RNF220: variants seen among roughly 807,000 people sequenced by gnomAD.
RNF220 encodes the protein ring finger protein 220.
Under a neutral mutation model 67.1 loss-of-function variants are expected in RNF220, and 7 were observed. The ratio of observed to expected loss-of-function variants is 0.10; its 90% CI spans 0.06 to 0.20. The LOEUF (loss-of-function observed/expected upper bound fraction) is 0.20. Among genes scored for constraint, RNF220 ranks in the 10% least tolerant of loss-of-function variants. The pLI, the probability that RNF220 is intolerant of heterozygous loss-of-function variation, is 1.00. For synonymous variants in RNF220, 270 were observed against 283.2 expected (o/e 0.95, Z 0.47); for missense variants, 565 against 740.3 (o/e 0.76, Z 2.75).
intron 2 of RNF220, among the ~76,000 whole-genome samples, chr1:44,580,544 T>G (rs2148343281): frequency 6.6e-6 from 1 of 152,342 alleles, no homozygotes; most frequent in South Asian, 2.1e-4. Context: ...GGGAAATAGA[T>G]TTTAGCTCAA....
At chr1:44,633,452 A>G (rs1644230650) in intron 6 of RNF220, among the ~76,000 whole-genome samples, 1 of 152,176 alleles carries the variant, frequency 6.6e-6, no homozygotes, top group Non-Finnish European at 1.5e-5. Flanking sequence ...TGGATAGAGA[A>G]CAGAACTTTC....
At position 44,593,804 on chromosome 1, in the gene RNF220, C is replaced by T. The variant is rs758851388; in HGVS notation, c.626-20361C>T. The stretch of plus-strand genomic sequence containing the variant: ...GACTTAAAAGGGATAAACTCTTGGC[C>T]GGGCATGGTGGCTCACGCCTATAAT... On this transcript the variant is annotated intron_variant, in intron 2 of 14. Coordinates refer to ENST00000361799, the MANE Select transcript of RNF220 (RefSeq NM_018150.4). Among the ~76,000 whole-genome samples the T allele has an allele frequency of 9.2e-5, 14 of 151,832 alleles. 1 individual carries two copies. The highest frequency in any genetic ancestry group is 8.5e-4 in the Admixed American group (13 of 15,240).
At chr1:44,567,349 C>T (rs1160648059) in intron 2 of RNF220, among the ~76,000 whole-genome samples, 3 of 152,086 alleles carry the variant, frequency 2.0e-5, no homozygotes, top group Non-Finnish European at 4.4e-5. Context: ...TGATGAGATT[C>T]CCAGCTGTGT....
chr1:44,552,043 C>A lies in RNF220; in HGVS notation c.626-62122C>A, dbSNP rs568924101. Among the ~76,000 whole-genome samples the A allele has an allele frequency of 3.9e-5, 6 of 152,300 alleles. No individual in the cohort carries two copies. The South Asian group carries it at 1.2e-3, about 32-fold the overall frequency. The stretch of plus-strand genomic sequence containing the variant: ...CCCTCTAGTGCCTGGTATATGCCAC[C>A]AAACCGTGGACAGCAGGCTACTGAA... On this transcript the variant is annotated intron_variant, in intron 2 of 14. Transcript: ENST00000361799.
At chr1:44,644,849 TAAGAA>T (rs1340572455) in intron 9 of RNF220, 55 bp downstream of exon 9, 1 of 1,544,642 alleles carries the variant, frequency 6.5e-7, no homozygotes, top group Non-Finnish European at 8.9e-7. Context: ...GCACAGGGAA[TAAGAA>T]AAGTAGCTCT....
chr1:44,525,612 C>T (rs557599458), intron 2 of RNF220, among the ~76,000 whole-genome samples: 1 of 152,280 alleles, frequency 6.6e-6, no homozygotes, highest in East Asian at 1.9e-4. Context: ...TGAGGCCATT[C>T]GATCCTCTCT....
chr1:44,424,132 T>C (rs1490834726), intron 2 of RNF220: 1 of 495,624 alleles, frequency 2.0e-6, no homozygotes, highest in East Asian at 1.5e-4. Context: ...GACAGCCTTA[T>C]GGTTAAGGTG....
rs898855978 is a variant in RNF220, at chr1:44,483,283, A to G, written c.625+70561A>G. Among the ~76,000 whole-genome samples the G allele has an allele frequency of 5.3e-5, 8 of 152,170 alleles. No homozygotes were observed. In the South Asian group the frequency reaches 1.7e-3, roughly 31 times the overall value. The stretch of plus-strand genomic sequence containing the variant: ...AAAAGGATGAGTTCCATCCCTTTGC[A>G]GCCGGTTAGACCTGTTCTACCTTGC... On this transcript the variant is annotated intron_variant, in intron 2 of 14. Transcript: ENST00000361799.
At chr1:44,587,456 T>C (rs1414803485) in intron 2 of RNF220, among the ~76,000 whole-genome samples, 1 of 152,168 alleles carries the variant, frequency 6.6e-6, no homozygotes, top group Non-Finnish European at 1.5e-5. Flanking sequence ...CACTGTTGTA[T>C]CTTCTTTAAG....
At position 44,624,663 on chromosome 1, in the gene RNF220, AG is replaced by A. The variant is rs1312981337; in HGVS notation, c.805-1632del. The stretch of plus-strand genomic sequence containing the variant: ...GAGAAGGTTCAAGCAAGAGACTGAA[AG>A]GACAGGGAGAAGGAGGGAGGGAGGA... On this transcript the variant is annotated intron_variant, in intron 4 of 14. Transcript: ENST00000361799. The surrounding 1 kb of genome is among the most constrained non-coding windows in gnomAD (Gnocchi z 4.2). Among the ~76,000 whole-genome samples the A allele has an allele frequency of 6.6e-6, 1 of 152,096 alleles. No homozygotes were observed. Among genetic ancestry groups the A allele is most frequent in the African/African-American group, 2.4e-5 (1 of 41,414 alleles).
In RNF220 at chr1:44,650,437, CT is replaced by C. The variant is rs1644761267; in HGVS notation, c.1630-266del. ...AAGGCCGCGTGTAATCTCGTTAGGG[CT>C]GCGGCTGCCACAGCTGGACCCAGCC... On this transcript the variant is annotated intron_variant, in intron 14 of 14. Coordinates refer to ENST00000361799, the MANE Select transcript of RNF220 (RefSeq NM_018150.4). The surrounding 1 kb of genome is among the most constrained non-coding windows in gnomAD (Gnocchi z 4.3). 3.6e-6 allele frequency: 2 copies of C among 549,772 alleles called. No homozygotes were observed. Among genetic ancestry groups the C allele is most frequent in the Admixed American group, 6.2e-5 (2 of 32,354 alleles). The allele number at this position is 549,772 out of a possible 1,614,324, so 34.1% of individuals were successfully genotyped here.
chr1:44,567,057 A>G (rs1383520249), intron 2 of RNF220, among the ~76,000 whole-genome samples: 1 of 152,170 alleles, frequency 6.6e-6, no homozygotes, highest in African/African-American at 2.4e-5. Flanking sequence ...TGGATGGAGA[A>G]TCACTCCTTT....
intron 2 of RNF220, among the ~76,000 whole-genome samples, chr1:44,591,064 C>T (rs778548344): frequency 2.6e-5 from 4 of 152,164 alleles, no homozygotes; most frequent in Non-Finnish European, 5.9e-5. Context: ...TAGGTTCAAG[C>T]GATTCTCCTG....
At chr1:44,532,939 G>A (rs940877218) in intron 2 of RNF220, among the ~76,000 whole-genome samples, 13 of 152,192 alleles carry the variant, frequency 8.5e-5, no homozygotes, top group Admixed American at 1.3e-4. Context: ...AGGGGAAGTC[G>A]GTGCAGCTGC....
In RNF220 at chr1:44,412,017, G is replaced by A; in HGVS notation, c.-81G>A. On this transcript the variant is annotated 5_prime_UTR_variant, in exon 2 of 15. Transcript: ENST00000361799. This position sits in a 1 kb window ranked among gnomAD's most constrained non-coding sequence, Gnocchi z 5.3. ...GAATGATTCCCCAGTAATATTCCCT[G>A]CCCTGACCCAAAGTGCTGGTTGGCC... 2.0e-6 allele frequency: 3 copies of A among 1,495,494 alleles called. No homozygotes were observed. Among genetic ancestry groups the A allele is most frequent in the Non-Finnish European group, 2.7e-6 (3 of 1,104,462 alleles). 92.6% of individuals were successfully genotyped at this position (1,495,494 alleles called of 1,614,324 possible). A position where few individuals can be genotyped will look rare whatever the true frequency, so the allele number is the denominator to read the frequency against.
At chr1:44,543,620 C>T (rs903343553) in intron 2 of RNF220, among the ~76,000 whole-genome samples, 10 of 151,822 alleles carry the variant, frequency 6.6e-5, no homozygotes, top group Admixed American at 5.9e-4. Context: ...CAGAAGTCAA[C>T]GTGGAAGCCG....
chr1:44,591,115 C>T (rs144594938), intron 2 of RNF220, among the ~76,000 whole-genome samples: 48 of 152,250 alleles, frequency 3.2e-4, no homozygotes, highest in African/African-American at 9.1e-4. Context: ...GCACCCACCA[C>T]GCCATTTTTA....
At chr1:44,552,075 G>A (rs1305486588) in intron 2 of RNF220, among the ~76,000 whole-genome samples, 3 of 152,206 alleles carry the variant, frequency 2.0e-5, no homozygotes, top group African/African-American at 4.8e-5. Context: ...TGAAACTGGA[G>A]TATAGAGGCT....
intron 2 of RNF220, among the ~76,000 whole-genome samples, chr1:44,538,988 A>G (rs1661460714): frequency 6.7e-6 from 1 of 150,284 alleles, no homozygotes. Context: ...TGAGAGGCCC[A>G]GGTGGGCGGA....
Sources: gnomAD v4.1 joint callset for allele counts (sites outside exome capture counted in the v4.1 genomes callset) on GRCh38, gnomAD v4.1.1 for gene constraint, Gnocchi (gnomAD v3.1) non-coding constraint, MANE v1.5 for transcripts, NCBI Gene and HGNC (gene_info 2026-07-23, HGNC 2026-07-21) for gene names.